SHISA9: variants seen among roughly 807,000 people sequenced by gnomAD.
The protein encoded by SHISA9 is shisa family member 9, also known as protein shisa-9.
In SHISA9, 13 loss-of-function variants were observed where a neutral mutation model predicts 38.0. The observed-to-expected ratio is 0.34, with a 90% confidence interval of 0.22 to 0.54. The LOEUF (loss-of-function observed/expected upper bound fraction) is 0.54. Ranked by LOEUF, SHISA9 falls within the 20% of genes least tolerant of loss-of-function variation. The probability of loss-of-function intolerance (pLI) is 0.91; values close to 1 mark genes in which losing one functional copy is unlikely to be tolerated. For synonymous variants in SHISA9, 275 were observed against 242.0 expected (o/e 1.14, Z -1.27); for missense variants, 538 against 575.8 (o/e 0.93, Z 0.67).
the SHISA9 span, among the ~76,000 whole-genome samples, chr16:13,338,671 T>G: frequency 1.1e-3 from 175 of 152,260 alleles, no homozygotes; most frequent in African/African-American, 4.0e-3. Context: ...TCCTGAGTGA[T>G]GGGATGGAAA....
the SHISA9 span, among the ~76,000 whole-genome samples, chr16:13,465,753 C>T: frequency 3.3e-5 from 5 of 152,342 alleles, no homozygotes; most frequent in South Asian, 6.2e-4. Context: ...CTCTCTCCCC[C>T]CTCTACCTCT....
At chr16:13,286,855 G>A in the SHISA9 span, among the ~76,000 whole-genome samples, 3 of 152,182 alleles carry the variant, frequency 2.0e-5, no homozygotes, top group Non-Finnish European at 2.9e-5. Context: ...CCCAGTAAAT[G>A]AGATGAAGCT....
At chr16:13,258,694 A>G in the SHISA9 span, among the ~76,000 whole-genome samples, 1 of 152,220 alleles carries the variant, frequency 6.6e-6, no homozygotes, top group Non-Finnish European at 1.5e-5. Context: ...ACATGGTGGT[A>G]GCAAGAGAAA....
chr16:13,374,369 A>C, the SHISA9 span, among the ~76,000 whole-genome samples: 2 of 151,984 alleles, frequency 1.3e-5, no homozygotes, highest in Non-Finnish European at 2.9e-5. Context: ...CTTGTGTCCA[A>C]GTGTCCTCTT....
At chr16:12,945,998 C>A (rs2071683952) in intron 2 of SHISA9, among the ~76,000 whole-genome samples, 1 of 152,182 alleles carries the variant, frequency 6.6e-6, no homozygotes, top group Non-Finnish European at 1.5e-5. Flanking sequence ...ATCCTAGCTA[C>A]TTGAGAGGCT....
At chr16:13,526,184 GT>G in the SHISA9 span, among the ~76,000 whole-genome samples, 21 of 152,202 alleles carry the variant, frequency 1.4e-4, no homozygotes, top group Admixed American at 1.2e-3. Context: ...CTGAGTTTCA[GT>G]TATTTCTCTT....
intron 2 of SHISA9, among the ~76,000 whole-genome samples, chr16:13,147,004 G>A (rs900534002): frequency 4.0e-5 from 6 of 151,400 alleles, no homozygotes; most frequent in Admixed American, 3.9e-4. Context: ...AACATATTTG[G>A]GATGAATGAG....
At chr16:13,365,961 A>G in the SHISA9 span, among the ~76,000 whole-genome samples, 1 of 151,972 alleles carries the variant, frequency 6.6e-6, no homozygotes, top group Admixed American at 6.6e-5. Context: ...GTTTCCCCTA[A>G]GGAAACTTCA....
intron 2 of SHISA9, among the ~76,000 whole-genome samples, chr16:13,141,123 G>GA (rs201861421): frequency 0.013 from 1,914 of 151,118 alleles, 23 homozygotes; most frequent in South Asian, 0.024. Flanking sequence ...ATTAAAGCAA[G>GA]AAAAAAAAAT....
intron 2 of SHISA9, among the ~76,000 whole-genome samples, chr16:13,171,533 T>G (rs984651594): frequency 1.3e-5 from 2 of 151,496 alleles, no homozygotes; most frequent in African/African-American, 4.9e-5. Flanking sequence ...GAAGCTGACA[T>G]GAAGGAAGGC....
the SHISA9 span, among the ~76,000 whole-genome samples, chr16:13,344,405 GT>G: frequency 6.6e-6 from 1 of 152,148 alleles, no homozygotes; most frequent in Non-Finnish European, 1.5e-5. Context: ...CTGCAAACTT[GT>G]TTTCCCCCAT....
In SHISA9 at chr16:13,140,761, G is replaced by C. The variant is rs78963900; in HGVS notation, c.692-62633G>C. Among the ~76,000 whole-genome samples the C allele has an allele frequency of 4.6e-5, 7 of 152,306 alleles. No individual in the cohort carries two copies. The East Asian group carries it at 1.4e-3, about 29-fold the overall frequency. On this transcript the variant is annotated intron_variant, in intron 2 of 4. Coordinates refer to ENST00000558583, the MANE Select transcript of SHISA9 (RefSeq NM_001145204.3). ...GCAGTGATGGGAGAGTGTGAATTCT[G>C]TAGGGAGGGTTTGAGGGGTCAGGAA...
intron 2 of SHISA9, among the ~76,000 whole-genome samples, chr16:12,936,984 C>T (rs996984884): frequency 5.9e-5 from 9 of 152,140 alleles, no homozygotes; most frequent in African/African-American, 2.2e-4. Context: ...CTTTTAAGAT[C>T]ACTATTGTAA....
the SHISA9 span, among the ~76,000 whole-genome samples, chr16:13,268,149 A>G: frequency 6.6e-6 from 1 of 151,998 alleles, no homozygotes; most frequent in Non-Finnish European, 1.5e-5. Context: ...TGTTTTTGTG[A>G]TAGACACTGG....
the SHISA9 span, among the ~76,000 whole-genome samples, chr16:13,398,119 G>A: frequency 6.6e-6 from 1 of 152,290 alleles, no homozygotes; most frequent in Non-Finnish European, 1.5e-5. Context: ...AGCCGCTTGT[G>A]TCTCTGCCTA....
intron 2 of SHISA9, among the ~76,000 whole-genome samples, chr16:13,015,821 G>C (rs535260410): frequency 1.5e-5 from 2 of 136,744 alleles, no homozygotes; most frequent in East Asian, 2.0e-4. Flanking sequence ...TTGTTTGTTT[G>C]TTTCTCTCTC....
chr16:13,273,666 C>T, the SHISA9 span, among the ~76,000 whole-genome samples: 3 of 152,130 alleles, frequency 2.0e-5, no homozygotes, highest in Non-Finnish European at 4.4e-5. Context: ...CGGACTAATA[C>T]AACTCGCTAG....
At chr16:13,382,235 ATATT>A in the SHISA9 span, among the ~76,000 whole-genome samples, 1 of 152,202 alleles carries the variant, frequency 6.6e-6, no homozygotes, top group Non-Finnish European at 1.5e-5. Context: ...TGCAGTAAGA[ATATT>A]TATTATGACT....
chr16:13,497,676 C>G, the SHISA9 span, among the ~76,000 whole-genome samples: 1 of 133,082 alleles, frequency 7.5e-6, no homozygotes, highest in African/African-American at 2.9e-5. Flanking sequence ...CAGAGTGACA[C>G]TCCGTCTCCA....
Sources: gnomAD v4.1 joint callset for allele counts (sites outside exome capture counted in the v4.1 genomes callset) on GRCh38, gnomAD v4.1.1 for gene constraint, MANE v1.5 for transcripts, NCBI Gene and HGNC (gene_info 2026-07-23, HGNC 2026-07-21) for gene names.